The following CDH20 variants were observed in gnomAD, a reference collection of about 807,000 sequenced individuals.
CDH20 encodes the protein cadherin 20, also known as cadherin-20.
A neutral mutation model predicts 74.2 loss-of-function variants in CDH20; 29 were observed. The ratio of observed to expected loss-of-function variants is 0.39; its 90% confidence interval spans 0.29 to 0.53. CDH20 has a LOEUF of 0.53. Among genes scored for constraint, CDH20 ranks in the 20% least tolerant of loss-of-function variants. The pLI, the probability that CDH20 is intolerant of heterozygous loss-of-function variation, is 0.69. For synonymous variants in CDH20, 469 were observed against 405.4 expected (o/e 1.16, Z -1.88); for missense variants, 988 against 1,048.3 (o/e 0.94, Z 0.79).
chr18:61,446,969 G>C (rs574397689), intron 1 of CDH20, among the ~76,000 whole-genome samples: 1 of 152,294 alleles, frequency 6.6e-6, no homozygotes, highest in South Asian at 2.1e-4. Context: ...GAGAAATCTT[G>C]CAATATCCAA....
chr18:61,429,658 G>A (rs1242841436), intron 1 of CDH20, among the ~76,000 whole-genome samples: 2 of 152,094 alleles, frequency 1.3e-5, no homozygotes, highest in Non-Finnish European at 1.5e-5. Flanking sequence ...CTTCTCCCCA[G>A]CACACCTGGA....
chr18:61,447,491 C>A (rs1003963481), intron 1 of CDH20, among the ~76,000 whole-genome samples: 1 of 152,114 alleles, frequency 6.6e-6, no homozygotes, highest in Admixed American at 6.6e-5. Context: ...AAGAGATTGG[C>A]GACGAGCAGC....
intron 1 of CDH20, among the ~76,000 whole-genome samples, chr18:61,334,786 G>A (rs565003322): frequency 6.6e-6 from 1 of 152,246 alleles, no homozygotes; most frequent in South Asian, 2.1e-4. Flanking sequence ...CCAGACAATC[G>A]GGGAGTTGGT....
rs144967353 is a variant in CDH20 at position 61,420,171 on chromosome 18, A to G, written c.-152-70231A>G. Among the ~76,000 whole-genome samples, 627 of 152,272 alleles carry G rather than the reference A, an allele frequency of 4.1e-3. 1 individual carries two copies. Among genetic ancestry groups the G allele is most frequent in the African/African-American group, 0.014 (593 of 41,564 alleles). The stretch of plus-strand genomic sequence containing the variant: ...TCTTTCTCAGCCTATATTTTTTAAT[A>G]CTTTTTAAAGCTGGCTACTGAGCGT... On this transcript the variant is annotated intron_variant, in intron 1 of 11. Transcript: ENST00000262717.
chr18:61,474,869 G>A (rs921025713), intron 1 of CDH20, among the ~76,000 whole-genome samples: 30 of 152,186 alleles, frequency 2.0e-4, no homozygotes, highest in African/African-American at 6.5e-4. Context: ...AGGAAGGGCC[G>A]GGGAAAGGCA....
chr18:61,372,378 T>G (rs1911073500), intron 1 of CDH20, among the ~76,000 whole-genome samples: 1 of 152,096 alleles, frequency 6.6e-6, no homozygotes. Flanking sequence ...TAATGCCTTA[T>G]CAATAAAAGA....
chr18:61,525,448 G>A (rs540679503), intron 6 of CDH20, among the ~76,000 whole-genome samples: 2 of 152,228 alleles, frequency 1.3e-5, no homozygotes, highest in South Asian at 4.1e-4. Context: ...AAAATGTTTC[G>A]ATTTAGGGAG....
rs1568165484 is a variant in CDH20 at position 61,499,437 on chromosome 18, G to A, written c.498G>A (p.Leu166=). The part of the protein sequence containing the change: ...QDINDNEPKF[L]DGPYVATVPE... Reference sequence around the variant, plus strand: ...TCAATGACAATGAGCCCAAGTTCCTGGACGGACCTTATGTGGCCACTGTGC... The same window carrying A: ...TCAATGACAATGAGCCCAAGTTCCTAGACGGACCTTATGTGGCCACTGTGC... Residue 166 remains leucine (L), a synonymous_variant, in exon 3 of 12, where the codon CTG becomes CTA. Coordinates refer to ENST00000262717, the MANE Select transcript of CDH20 (RefSeq NM_031891.4). 1 of 1,613,302 alleles carries A rather than the reference G, an allele frequency of 6.2e-7. No homozygotes were observed. Among genetic ancestry groups the A allele is most frequent in the Non-Finnish European group, 8.5e-7 (1 of 1,179,646 alleles).
At chr18:61,462,429 T>C (rs1248773897) in intron 1 of CDH20, among the ~76,000 whole-genome samples, 1 of 152,122 alleles carries the variant, frequency 6.6e-6, no homozygotes, top group Non-Finnish European at 1.5e-5. Flanking sequence ...CATCTTAACA[T>C]GATTATATCT....
At chr18:61,384,412 A>G (rs1014601440) in intron 1 of CDH20, among the ~76,000 whole-genome samples, 20 of 152,206 alleles carry the variant, frequency 1.3e-4, no homozygotes, top group African/African-American at 4.1e-4. Context: ...GAAGGTAGAA[A>G]GAAATGCCTG....
rs535903629 is a variant in CDH20 at position 61,353,565 on chromosome 18, G to A, written c.-153+19738G>A. ...CTTGCTTTTGAATATCCGACAGTGT[G>A]TATCACAGTGCTTTGCACATATTTT... On this transcript the variant is annotated intron_variant, in intron 1 of 11. Transcript: ENST00000262717. This position sits in a 1 kb window ranked among gnomAD's most constrained non-coding sequence, Gnocchi z 4.6. Among the ~76,000 whole-genome samples, 6 of 152,302 alleles carry A rather than the reference G, an allele frequency of 3.9e-5. No individual in the cohort carries two copies. In the South Asian group the frequency reaches 1.0e-3, roughly 26 times the overall value.
chr18:61,359,259 A>G (rs1237467867), intron 1 of CDH20, among the ~76,000 whole-genome samples: 1 of 151,982 alleles, frequency 6.6e-6, no homozygotes, highest in Non-Finnish European at 1.5e-5. Context: ...TAGGGACTCA[A>G]TTTTCCTTAT....
At chr18:61,363,439 G>A (rs1910763453) in intron 1 of CDH20, among the ~76,000 whole-genome samples, 2 of 152,200 alleles carry the variant, frequency 1.3e-5, no homozygotes, top group East Asian at 1.9e-4. Context: ...TATAGTGGGG[G>A]AAAAAGTATC....
chr18:61,505,487 C>T (rs1200211625), intron 5 of CDH20, among the ~76,000 whole-genome samples: 1 of 152,008 alleles, frequency 6.6e-6, no homozygotes, highest in Non-Finnish European at 1.5e-5. Context: ...AGGTGCACAC[C>T]ACCATGCCCA....
At chr18:61,413,424 T>A (rs750552862) in intron 1 of CDH20, among the ~76,000 whole-genome samples, 18 of 152,158 alleles carry the variant, frequency 1.2e-4, no homozygotes, top group Non-Finnish European at 1.8e-4. Flanking sequence ...GCTTTCAATA[T>A]GAAAGCTCAG....
intron 8 of CDH20, among the ~76,000 whole-genome samples, chr18:61,538,625 G>GTTTTTT (rs1415668565): frequency 5.6e-5 from 3 of 53,776 alleles, no homozygotes; most frequent in East Asian, 6.0e-4. Context: ...TTTTTGTTTT[G>GTTTTTT]TTTTTTTTTT....
intron 1 of CDH20, among the ~76,000 whole-genome samples, chr18:61,445,332 T>A (rs1236850601): frequency 7.2e-5 from 11 of 152,060 alleles, no homozygotes; most frequent in Admixed American, 2.0e-4. Flanking sequence ...ATCAGAGAAG[T>A]TCTATAACCT....
chr18:61,515,366 C>T (rs1008196207), intron 6 of CDH20, among the ~76,000 whole-genome samples: 27 of 152,196 alleles, frequency 1.8e-4, no homozygotes, highest in African/African-American at 6.0e-4. Flanking sequence ...GGCTCGCGCA[C>T]GGTGCACGCA....
chr18:61,401,225 G>A (rs1311566671), intron 1 of CDH20, among the ~76,000 whole-genome samples: 1 of 152,168 alleles, frequency 6.6e-6, no homozygotes, highest in Non-Finnish European at 1.5e-5. Context: ...ATTCTAATAA[G>A]CTTATTCCAG....
Sources: gnomAD v4.1 joint callset for allele counts (sites outside exome capture counted in the v4.1 genomes callset) on GRCh38, gnomAD v4.1.1 for gene constraint, Gnocchi (gnomAD v3.1) non-coding constraint, MANE v1.5 for transcripts, NCBI Gene and HGNC (gene_info 2026-07-23, HGNC 2026-07-21) for gene names.